Variants in ST6GAL2 observed in about 807,000 individuals in gnomAD.
ST6GAL2 encodes ST6 beta-galactoside alpha-2,6-sialyltransferase 2.
ST6GAL2 carries 24 observed loss-of-function variants against 37.5 expected under a neutral mutation model. The observed-to-expected ratio is 0.64, with a 90% confidence interval of 0.46 to 0.90. ST6GAL2 has a LOEUF of 0.90. Among genes scored for constraint, ST6GAL2 ranks in the 40% least tolerant of loss-of-function variants. ST6GAL2 has a pLI of 0.00. For missense variants in ST6GAL2, 715 were observed against 712.7 expected (o/e 1.00, Z -0.04); for synonymous variants, 306 against 295.1 (o/e 1.04, Z -0.38).
intron 5 of ST6GAL2, among the ~76,000 whole-genome samples, chr2:106,812,109 G>A (rs1445291245): frequency 1.3e-5 from 2 of 152,194 alleles, no homozygotes; most frequent in Non-Finnish European, 2.9e-5. Flanking sequence ...GGTCACGTGA[G>A]TGGAGCCCTC....
chr2:106,875,068 T>C (rs1223363750), intron 1 of ST6GAL2, among the ~76,000 whole-genome samples: 1 of 152,260 alleles, frequency 6.6e-6, no homozygotes, highest in African/African-American at 2.4e-5. Flanking sequence ...CTGATTTTCA[T>C]TAGGCAGTCT....
At chr2:106,877,451 C>T (rs1230793944) in intron 1 of ST6GAL2, among the ~76,000 whole-genome samples, 3 of 152,238 alleles carry the variant, frequency 2.0e-5, no homozygotes, top group Non-Finnish European at 4.4e-5. Flanking sequence ...CTCGCCCAAG[C>T]GTCTGAACAC....
rs761807841 is a variant in ST6GAL2, at chr2:106,834,111, G to A, written c.979C>T (p.Pro327Ser). The A allele has an allele frequency of 2.5e-6, 4 of 1,613,634 alleles. No homozygotes were observed. Among genetic ancestry groups the A allele is most frequent in the African/African-American group, 2.7e-5 (2 of 74,890 alleles). ...HDAVLRFNSAPTRGYEKDVGN... is the reference protein window; with the variant it reads ...HDAVLRFNSASTRGYEKDVGN... ...ACATCTTTCTCATAACCACGTGTAG[G>A]AGCAGAGTTAAATCTCAAAACCGCA... The change falls in exon 3 of 6, where the codon CCT (proline) becomes TCT (serine). Residue 327 changes from proline to serine, a missense_variant. Physicochemically the swap from Pro to Ser is moderately conservative, Grantham distance 74 (BLOSUM62 -1). Transcript: ENST00000409382.
chr2:106,845,400 A>T (rs958220811), intron 1 of ST6GAL2, among the ~76,000 whole-genome samples: 11 of 152,128 alleles, frequency 7.2e-5, no homozygotes, highest in African/African-American at 2.7e-4. Context: ...GGTAGAGAAG[A>T]GTGCAGGGAG....
At chr2:106,837,558 C>G (rs940023701) in intron 2 of ST6GAL2, among the ~76,000 whole-genome samples, 27 of 152,146 alleles carry the variant, frequency 1.8e-4, no homozygotes, top group Admixed American at 3.3e-4. Context: ...TGGTTGCAGA[C>G]AGTGAGAGGA....
In ST6GAL2 at chr2:106,806,969, T is replaced by G; in HGVS notation, c.1319-20A>C. 1 of 1,594,680 alleles carries G rather than the reference T, an allele frequency of 6.3e-7. No individual in the cohort carries two copies. Among genetic ancestry groups the G allele is most frequent in the Admixed American group, 1.7e-5 (1 of 58,662 alleles). On this transcript the variant is annotated intron_variant, in intron 5 of 5. Coordinates refer to ENST00000409382, the MANE Select transcript of ST6GAL2 (RefSeq NM_001142351.2). The stretch of plus-strand genomic sequence containing the variant: ...GGATTCCTGACATGAAAACCAAAAA[T>G]TAGAACCTAATGAACAACTCCATGT...
At chr2:106,808,732 C>A (rs1468907604) in intron 5 of ST6GAL2, among the ~76,000 whole-genome samples, 1 of 152,154 alleles carries the variant, frequency 6.6e-6, no homozygotes, top group Non-Finnish European at 1.5e-5. Context: ...TTTTTTCTCC[C>A]CTGTATAAAA....
Position 106,843,572 on chromosome 2 carries a change from C to A in ST6GAL2, c.406G>T (p.Gly136Cys), listed in dbSNP as rs1191758598. The A allele has an allele frequency of 3.7e-6, 6 of 1,613,764 alleles. No individual in the cohort carries two copies. The highest frequency in any genetic ancestry group is 5.1e-6 in the Non-Finnish European group (6 of 1,179,972). Residue 136 changes from glycine (G) to cysteine (C), a missense_variant, in exon 2 of 6, where the codon GGT becomes TGT. Physicochemically the swap from Gly to Cys is radical, Grantham distance 159 (BLOSUM62 -3). Transcript: ENST00000409382. ...PEDDDYFFAA[G>C]QPGWHSHTQG... Reference sequence around the variant, plus strand: ...GTGTGGCTGTGCCACCCTGGCTGACCAGCAGCAAAAAAGTAGTCGTCATCC... The same window carrying A: ...GTGTGGCTGTGCCACCCTGGCTGACAAGCAGCAAAAAAGTAGTCGTCATCC...
chr2:106,855,616 A>T (rs1470598308), intron 1 of ST6GAL2, among the ~76,000 whole-genome samples: 1 of 152,208 alleles, frequency 6.6e-6, no homozygotes, highest in Non-Finnish European at 1.5e-5. Context: ...TTGGAAGTAA[A>T]TATGGCAAAA....
intron 1 of ST6GAL2, among the ~76,000 whole-genome samples, chr2:106,853,261 C>T (rs1392601981): frequency 2.0e-4 from 31 of 152,334 alleles, no homozygotes; most frequent in Non-Finnish European, 1.3e-4. Flanking sequence ...TCCCATGCCC[C>T]GCCTTCGTCA....
At chr2:106,834,249 C>T (rs1379754021) in intron 2 of ST6GAL2, 103 bp from the exon 3 acceptor site, 10 of 746,158 alleles carry the variant, frequency 1.3e-5, no homozygotes, top group South Asian at 6.4e-5. Flanking sequence ...GCTAATTATA[C>T]ATCACCAATA....
At position 106,830,285 on chromosome 2, in the gene ST6GAL2, T is replaced by C. The variant is rs769242781; in HGVS notation, c.1144-45A>G. 5.8e-6 allele frequency: 9 copies of C among 1,540,248 alleles called. No individual in the cohort carries two copies. In the Admixed American group the frequency reaches 1.6e-4, roughly 27 times the overall value. On this transcript the variant is annotated intron_variant, in intron 4 of 5. Transcript: ENST00000409382. ...TGCAGTCAAGTAGAAAGAACTAAAC[T>C]ATGAAAGGAGACAGGGCATGGCTGG...
At chr2:106,829,588 G>T (rs547838920) in intron 5 of ST6GAL2, among the ~76,000 whole-genome samples, 1 of 152,104 alleles carries the variant, frequency 6.6e-6, no homozygotes, top group African/African-American at 2.4e-5. Flanking sequence ...AGAAAGAACT[G>T]CCCAGCCAGG....
intron 5 of ST6GAL2, among the ~76,000 whole-genome samples, chr2:106,808,540 T>C (rs1675500215): frequency 6.6e-6 from 1 of 152,160 alleles, no homozygotes; most frequent in African/African-American, 2.4e-5. Flanking sequence ...CTTCCATGGC[T>C]GCCTGGCTGC....
chr2:106,828,817 T>G (rs1003436144), intron 5 of ST6GAL2, among the ~76,000 whole-genome samples: 2 of 142,542 alleles, frequency 1.4e-5, no homozygotes. Flanking sequence ...GTCTAGGATA[T>G]TCCTTAATAT....
Position 106,858,156 on chromosome 2 carries a change from C to T in ST6GAL2, c.-57-14122G>A, listed in dbSNP as rs529435419. On this transcript the variant is annotated intron_variant, in intron 1 of 5. Transcript: ENST00000409382. ...AGCACAGAACTGATCATGCACTACA[C>T]ATTCACCTACTTTACTCATTTTACT... is the stretch of plus-strand genomic sequence containing the variant. Among the ~76,000 whole-genome samples the T allele has an allele frequency of 1.1e-4, 16 of 152,318 alleles. No individual in the cohort carries two copies. The South Asian group carries it at 3.3e-3, about 32-fold the overall frequency.
At chr2:106,822,102 C>T (rs1347154002) in intron 5 of ST6GAL2, among the ~76,000 whole-genome samples, 1 of 152,116 alleles carries the variant, frequency 6.6e-6, no homozygotes, top group East Asian at 1.9e-4. Context: ...TGGAATATGG[C>T]AAGGATGCCC....
intron 1 of ST6GAL2, among the ~76,000 whole-genome samples, chr2:106,866,255 G>A (rs1678021662): frequency 6.6e-6 from 1 of 152,142 alleles, no homozygotes; most frequent in Non-Finnish European, 1.5e-5. Context: ...TGTGGGACCC[G>A]ACACCCAGAA....
intron 5 of ST6GAL2, among the ~76,000 whole-genome samples, chr2:106,819,175 G>A (rs920260852): frequency 6.6e-6 from 1 of 152,056 alleles, no homozygotes; most frequent in Non-Finnish European, 1.5e-5. Context: ...GGGGTAGAAG[G>A]TTTATTCAAA....
Sources: allele counts gnomAD v4.1 joint callset (sites outside exome capture counted in the v4.1 genomes callset), GRCh38; gene constraint gnomAD v4.1.1; transcripts MANE v1.5; gene names NCBI Gene and HGNC (gene_info 2026-07-23, HGNC 2026-07-21).